The following FANCA variants were observed in gnomAD, a reference collection of about 807,000 sequenced individuals.
FANCA encodes the protein FA complementation group A.
In FANCA, 236 loss-of-function variants were observed where a neutral mutation model predicts 194.3. The ratio of observed to expected loss-of-function variants is 1.21; its 90% CI spans 1.09 to 1.35. The LOEUF (loss-of-function observed/expected upper bound fraction) is 1.35. Ranked by LOEUF, FANCA falls within the 40% of genes most tolerant of loss-of-function variation. FANCA has a pLI of 0.00. For synonymous variants in FANCA, 1,014 were observed against 715.8 expected (o/e 1.42, Z -6.65); for missense variants, 2,628 against 1,813.9 (o/e 1.45, Z -8.15).
intron 35 of FANCA, 30 bp downstream of exon 35, chr16:89,746,554 A>T (rs1167155736): frequency 2.5e-6 from 4 of 1,596,474 alleles, no homozygotes; most frequent in Admixed American, 1.7e-5. Context: ...CATCCCCAAA[A>T]CAAAACACCA....
intron 38 of FANCA, 182 bp downstream of exon 38, chr16:89,740,622 T>A (rs1288149453): frequency 3.4e-6 from 2 of 592,904 alleles, no homozygotes; most frequent in Non-Finnish European, 3.0e-6. Context: ...GGTGACAGAG[T>A]GAGACCCCCA....
At chr16:89,795,745 T>G (rs531135359) in intron 11 of FANCA, among the ~76,000 whole-genome samples, 161 bp downstream of exon 11, 23 of 152,354 alleles carry the variant, frequency 1.5e-4, no homozygotes, top group Non-Finnish European at 2.6e-4. Context: ...AAAGGATATT[T>G]AGTAACAATC....
intron 15 of FANCA, among the ~76,000 whole-genome samples, chr16:89,783,645 G>A (rs1436034819): frequency 1.3e-5 from 2 of 152,108 alleles, no homozygotes; most frequent in Non-Finnish European, 2.9e-5. Context: ...TGCAAGTCCA[G>A]GGCGGCTCAC....
chr16:89,801,916 C>A (rs113638164), intron 8 of FANCA, among the ~76,000 whole-genome samples: 20 of 151,750 alleles, frequency 1.3e-4, no homozygotes, highest in South Asian at 1.0e-3. Flanking sequence ...AAAAAAAAAA[C>A]CAGAACTGCC....
At chr16:89,790,233 C>T (rs927810165) in intron 14 of FANCA, among the ~76,000 whole-genome samples, 3 of 151,618 alleles carry the variant, frequency 2.0e-5, no homozygotes, top group African/African-American at 7.3e-5. Flanking sequence ...GAAACCCTGT[C>T]TCTACTAAAA....
intron 33 of FANCA, among the ~76,000 whole-genome samples, chr16:89,747,558 T>C (rs1029673): frequency 6.6e-6 from 1 of 151,732 alleles, no homozygotes; most frequent in African/African-American, 2.4e-5. Flanking sequence ...ACTTAGCCGG[T>C]CATGGCGGCA....
At chr16:89,761,000 A>G (rs2038932161) in intron 29 of FANCA, among the ~76,000 whole-genome samples, 1 of 152,154 alleles carries the variant, frequency 6.6e-6, no homozygotes, top group African/African-American at 2.4e-5. Flanking sequence ...TCATTGATAC[A>G]AAGGTGCCAT....
At chr16:89,739,404 C>T (rs1041955692) in intron 40 of FANCA, 74 bp downstream of exon 40, 14 of 1,561,158 alleles carry the variant, frequency 9.0e-6, no homozygotes, top group African/African-American at 1.4e-5. Flanking sequence ...TCCCATCTGG[C>T]GGGACCCAGA....
At chr16:89,773,720 G>C (rs897993984) in intron 21 of FANCA, among the ~76,000 whole-genome samples, 4 of 152,012 alleles carry the variant, frequency 2.6e-5, no homozygotes, top group African/African-American at 9.7e-5. Context: ...GGGCTGGCGA[G>C]GGTGGGGACA....
intron 6 of FANCA, among the ~76,000 whole-genome samples, chr16:89,806,207 C>G (rs1044473627): frequency 1.3e-5 from 2 of 152,330 alleles, no homozygotes; most frequent in East Asian, 3.9e-4. Context: ...GCCACCGCAC[C>G]TGGCCTTGGC....
At chr16:89,754,047 CTG>C (rs2038687698) in intron 30 of FANCA, among the ~76,000 whole-genome samples, 3 of 151,684 alleles carry the variant, frequency 2.0e-5, no homozygotes, top group African/African-American at 7.3e-5. Context: ...CAGCGACACT[CTG>C]TCTCAAAAAC....
chr16:89,737,921 G>A lies in FANCA; in HGVS notation c.*680C>T, dbSNP rs1567588409. ...AGCCTTTGCAGTAAGTGTGAGTCAG[G>A]ACCCCCTCCCAGGGCTGTGGCCCTC... On this transcript the variant is annotated 3_prime_UTR_variant, in exon 43 of 43. Transcript: ENST00000389301. 2.5e-6 allele frequency: 4 copies of A among 1,571,352 alleles called. No individual in the cohort carries two copies. The highest frequency in any genetic ancestry group is 1.8e-5 in the Admixed American group (1 of 55,208).
intron 37 of FANCA, among the ~76,000 whole-genome samples, chr16:89,742,537 T>C (rs377452919): frequency 1.3e-5 from 2 of 151,202 alleles, no homozygotes. Context: ...CAGCTGGGCG[T>C]GGTGGCTCAC....
chr16:89,742,240 G>T (rs2062151261), intron 37 of FANCA, among the ~76,000 whole-genome samples: 2 of 151,928 alleles, frequency 1.3e-5, no homozygotes, highest in African/African-American at 4.8e-5. Context: ...GCCTCCCTAA[G>T]TGTTGGGATT....
chr16:89,815,503 G>C (rs17225726), intron 2 of FANCA, among the ~76,000 whole-genome samples: 2,732 of 151,360 alleles, frequency 0.018, 99 homozygotes, highest in African/African-American at 0.063. Flanking sequence ...TTAAAGGCGT[G>C]CGCCACCACA....
rs376302719 is a variant in FANCA at position 89,764,933 on chromosome 16, G to C, written c.2735C>G (p.Thr912Arg). 1.2e-6 allele frequency: 2 copies of C among 1,614,228 alleles called. No homozygotes were observed. Among genetic ancestry groups the C allele is most frequent in the Admixed American group, 3.3e-5 (2 of 60,026 alleles). The stretch of plus-strand genomic sequence containing the variant: ...CAACACCTCTCGGAAGGTTCTGTGT[G>C]TCCAGAGAGAGAGGGCAGCTCTCTG... ...DWQRAALSLW[T>R]HRTFREVLKE... is the part of the protein sequence containing the mutation. The change falls in exon 28 of 43, where the codon ACA becomes AGA. Residue 912 changes from threonine (T) to arginine (R), a missense_variant. Physicochemically the swap from Thr to Arg is moderately conservative, Grantham distance 71. Transcript: ENST00000389301.
chr16:89,782,427 C>A (rs1452124342), intron 17 of FANCA, among the ~76,000 whole-genome samples: 1 of 151,470 alleles, frequency 6.6e-6, no homozygotes, highest in African/African-American at 2.4e-5. Context: ...AGGAGAATGG[C>A]GTGAACCCAG....
intron 38 of FANCA, 81 bp downstream of exon 38, chr16:89,740,723 C>T: frequency 8.1e-7 from 1 of 1,228,186 alleles, no homozygotes; most frequent in Non-Finnish European, 1.2e-6. Flanking sequence ...TCTGGAAACC[C>T]TGACTTGGAA....
chr16:89,802,624 C>T (rs1262285976), intron 8 of FANCA, among the ~76,000 whole-genome samples: 1 of 151,634 alleles, frequency 6.6e-6, no homozygotes, highest in East Asian at 1.9e-4. Context: ...AGGATGGTCT[C>T]GATCTCCTGA....
Sources: gnomAD v4.1 joint callset for allele counts (sites outside exome capture counted in the v4.1 genomes callset) on GRCh38, gnomAD v4.1.1 for gene constraint, MANE v1.5 for transcripts, NCBI Gene and HGNC (gene_info 2026-07-23, HGNC 2026-07-21) for gene names.